Variants in PHF14 observed in about 807,000 individuals in gnomAD.
PHF14 encodes PHD finger protein 14.
In PHF14, 55 loss-of-function variants were observed where a neutral mutation model predicts 117.9. The ratio of observed to expected loss-of-function variants is 0.47; its 90% CI spans 0.38 to 0.58. The LOEUF (loss-of-function observed/expected upper bound fraction) is 0.58, where lower values mean the gene tolerates loss of function less well. Ranked by LOEUF, PHF14 falls within the 20% of genes least tolerant of loss-of-function variation. The pLI, the probability that PHF14 is intolerant of heterozygous loss-of-function variation, is 0.00. For synonymous variants in PHF14, 409 were observed against 368.6 expected, an observed-to-expected ratio of 1.11 and a Z score of -1.26; for missense variants, 978 against 1,122.2, an observed-to-expected ratio of 0.87 and a Z score of 1.84.
At chr7:11,146,609 A>G (rs1788553503) in intron 17 of PHF14, among the ~76,000 whole-genome samples, 1 of 152,194 alleles carries the variant, frequency 6.6e-6, no homozygotes, top group Non-Finnish European at 1.5e-5. Context: ...GAATTTGAGT[A>G]TCTATCTATG....
chr7:11,167,974 A>G (rs1272888975), intron 17 of PHF14, among the ~76,000 whole-genome samples: 1 of 151,214 alleles, frequency 6.6e-6, no homozygotes, highest in African/African-American at 2.4e-5. Flanking sequence ...TGCAGTGAGC[A>G]GAGATCGCGC....
intron 17 of PHF14, among the ~76,000 whole-genome samples, chr7:11,163,560 CACTTT>C (rs1353034562): frequency 2.0e-5 from 3 of 152,116 alleles, no homozygotes; most frequent in African/African-American, 7.2e-5. Context: ...ACACATTTCG[CACTTT>C]ACTTAATGAT....
intron 13 of PHF14, 87 bp downstream of exon 13, chr7:11,042,901 A>G: frequency 2.1e-6 from 2 of 932,530 alleles, no homozygotes; most frequent in Non-Finnish European, 3.2e-6. Context: ...TTTGTTCATA[A>G]TAAAGTATTT....
intron 9 of PHF14, 27 bp downstream of exon 9, chr7:11,036,715 A>C: frequency 6.3e-7 from 1 of 1,579,912 alleles, no homozygotes; most frequent in East Asian, 2.2e-5. Context: ...GTACATGCAC[A>C]TTTTCACTGA....
At chr7:11,060,816 C>G (rs1785198323) in intron 14 of PHF14, among the ~76,000 whole-genome samples, 1 of 152,020 alleles carries the variant, frequency 6.6e-6, no homozygotes. Context: ...TATAAATTTA[C>G]TTTTTTTGAA....
chr7:11,148,778 G>A (rs1788625809), intron 17 of PHF14, among the ~76,000 whole-genome samples: 2 of 152,196 alleles, frequency 1.3e-5, no homozygotes, highest in African/African-American at 4.8e-5. Flanking sequence ...AGAAAAGGAA[G>A]CAAAAATGTT....
At chr7:11,015,059 T>G (rs1372078721) in intron 5 of PHF14, 2 of 152,106 alleles carry the variant, frequency 1.3e-5, no homozygotes, top group African/African-American at 4.8e-5. Context: ...TTTTAGTATT[T>G]TATTAAACAT....
chr7:11,163,195 G>C (rs964745436), intron 17 of PHF14, among the ~76,000 whole-genome samples: 12 of 152,120 alleles, frequency 7.9e-5, no homozygotes, highest in African/African-American at 2.9e-4. Flanking sequence ...ATATGTGTTT[G>C]AGCTGAGTTT....
chr7:11,168,628 A>G (rs979711925), intron 17 of PHF14, among the ~76,000 whole-genome samples: 5 of 152,242 alleles, frequency 3.3e-5, no homozygotes, highest in Non-Finnish European at 7.3e-5. Context: ...TCAGTTAATA[A>G]AAATAAATAA....
intron 16 of PHF14, among the ~76,000 whole-genome samples, chr7:11,095,550 A>G (rs747025004): frequency 6.6e-5 from 10 of 152,208 alleles, no homozygotes; most frequent in African/African-American, 1.4e-4. Flanking sequence ...AGTAAATGGA[A>G]ATAAGATCAG....
chr7:11,127,558 TATC>T (rs1787963326), intron 17 of PHF14, among the ~76,000 whole-genome samples: 2 of 152,110 alleles, frequency 1.3e-5, no homozygotes, highest in Middle Eastern at 3.2e-3. Context: ...GACAGGCATG[TATC>T]ATCATCTAGT....
intron 16 of PHF14, among the ~76,000 whole-genome samples, chr7:11,100,063 A>G (rs112002770): frequency 0.013 from 1,961 of 152,230 alleles, 33 homozygotes; most frequent in African/African-American, 0.045. Flanking sequence ...CTAGTTGAAA[A>G]GCCAACTATA....
At chr7:11,053,843 T>C (rs547454928) in intron 14 of PHF14, among the ~76,000 whole-genome samples, 1 of 152,206 alleles carries the variant, frequency 6.6e-6, no homozygotes, top group Admixed American at 6.5e-5. Flanking sequence ...TAAAATTTGC[T>C]AATATAATCC....
intron 4 of PHF14, among the ~76,000 whole-genome samples, chr7:10,997,144 T>G (rs1444546385): frequency 6.6e-6 from 1 of 152,236 alleles, no homozygotes; most frequent in Non-Finnish European, 1.5e-5. Flanking sequence ...TTACTTACTT[T>G]TTATCTATAC....
At chr7:11,012,246 T>C (rs2128315838) in intron 4 of PHF14, among the ~76,000 whole-genome samples, 2 of 152,310 alleles carry the variant, frequency 1.3e-5, no homozygotes, top group South Asian at 4.1e-4. Flanking sequence ...GGGAAAATAC[T>C]TTAAAAATTT....
At chr7:11,049,600 C>G (rs752476199) in intron 13 of PHF14, among the ~76,000 whole-genome samples, 1 of 151,820 alleles carries the variant, frequency 6.6e-6, no homozygotes, top group Non-Finnish European at 1.5e-5. Context: ...AAGCAGTGTG[C>G]CTTTTTGTAA....
intron 17 of PHF14, among the ~76,000 whole-genome samples, chr7:11,157,428 C>T (rs1449093138): frequency 6.6e-6 from 1 of 150,740 alleles, no homozygotes; most frequent in Non-Finnish European, 1.5e-5. Flanking sequence ...AATATTTTTA[C>T]TTTGTTTTGA....
At chr7:11,016,639 T>TG (rs1202739878) in intron 5 of PHF14, among the ~76,000 whole-genome samples, 1 of 152,192 alleles carries the variant, frequency 6.6e-6, no homozygotes, top group Non-Finnish European at 1.5e-5. Flanking sequence ...TGTATATTCA[T>TG]GGGGTACATG....
intron 4 of PHF14, among the ~76,000 whole-genome samples, chr7:11,001,625 G>A (rs1295153703): frequency 1.9e-5 from 1 of 53,144 alleles, no homozygotes; most frequent in Non-Finnish European, 4.4e-5. Context: ...ATTTTTTGGG[G>A]GGTGCTAATG....
Sources: allele counts gnomAD v4.1 joint callset (sites outside exome capture counted in the v4.1 genomes callset), GRCh38; gene constraint gnomAD v4.1.1; transcripts MANE v1.5; gene names NCBI Gene and HGNC (gene_info 2026-07-23, HGNC 2026-07-21).